The following SPAG9 variants were observed in gnomAD, a reference collection of about 807,000 sequenced individuals.
SPAG9 encodes the protein C-Jun-amino-terminal kinase-interacting protein 4.
SPAG9 carries 35 observed loss-of-function variants against 166.5 expected under a neutral mutation model. The ratio of observed to expected loss-of-function variants is 0.21; its 90% confidence interval spans 0.16 to 0.28. SPAG9 has a LOEUF of 0.28. SPAG9 is among the 10% of genes least tolerant of loss of function. The probability of loss-of-function intolerance (pLI) is 1.00; values close to 1 mark genes in which losing one functional copy is unlikely to be tolerated. For missense variants in SPAG9, 1,235 were observed against 1,603.3 expected, an observed-to-expected ratio of 0.77 and a Z score of 3.92; for synonymous variants, 534 against 565.5, an observed-to-expected ratio of 0.94 and a Z score of 0.79.
At chr17:51,055,209 C>T (rs1257869363) in intron 3 of SPAG9, among the ~76,000 whole-genome samples, 2 of 151,808 alleles carry the variant, frequency 1.3e-5, no homozygotes, top group African/African-American at 4.8e-5. Flanking sequence ...AAAAGTTAGC[C>T]GGGTATGGTG....
At chr17:51,038,408 A>C (rs2046703720) in intron 5 of SPAG9, among the ~76,000 whole-genome samples, 1 of 152,218 alleles carries the variant, frequency 6.6e-6, no homozygotes, top group African/African-American at 2.4e-5. Context: ...GCCATGGGGA[A>C]TCCTGGAAGA....
In SPAG9 at chr17:50,979,302, G is replaced by A. The variant is rs1218374752; in HGVS notation, c.3409+444C>T. Reference sequence around the variant, plus strand: ...TGGGAGGATCACTTGAGCCCAGGAAGTCAAAGCTGCAGTGAGCCGTGATGG... The same window carrying A: ...TGGGAGGATCACTTGAGCCCAGGAAATCAAAGCTGCAGTGAGCCGTGATGG... On this transcript the variant is annotated intron_variant, in intron 26 of 29. Transcript: ENST00000262013. Among the ~76,000 whole-genome samples the A allele has an allele frequency of 5.4e-5, 8 of 147,488 alleles. No homozygotes were observed. The Admixed American group carries it at 5.4e-4, about 10-fold the overall frequency.
At position 51,005,256 on chromosome 17, in the gene SPAG9, C is replaced by A; in HGVS notation, c.1432G>T (p.Ala478Ser). 1.2e-6 allele frequency: 2 copies of A among 1,613,896 alleles called. No individual in the cohort carries two copies. Among genetic ancestry groups the A allele is most frequent in the Non-Finnish European group, 1.7e-6 (2 of 1,179,886 alleles). The stretch of plus-strand genomic sequence containing the variant: ...TTTTGCCTTGCATCTTCAGCTTCTG[C>A]CCGAGCTCTAGTGGGGAAAAAACAA... ...ELEEELRKAR[A>S]EAEDARQKAK... is the part of the protein sequence containing the mutation. The change falls in exon 12 of 30, where the codon GCA becomes TCA. Residue 478 changes from alanine to serine, a missense_variant. By Grantham distance (99) the Ala-to-Ser change is moderately conservative. Coordinates refer to ENST00000262013, the MANE Select transcript of SPAG9 (RefSeq NM_001130528.3).
intron 1 of SPAG9, among the ~76,000 whole-genome samples, chr17:51,090,768 G>A (rs938369485): frequency 6.6e-6 from 1 of 152,128 alleles, no homozygotes; most frequent in Non-Finnish European, 1.5e-5. Context: ...TTCTGTTACT[G>A]CCTAGGTAAT....
At chr17:51,028,197 A>T (rs994693838) in intron 6 of SPAG9, among the ~76,000 whole-genome samples, 1 of 152,152 alleles carries the variant, frequency 6.6e-6, no homozygotes, top group Non-Finnish European at 1.5e-5. Flanking sequence ...TCAAAAAGGT[A>T]AAAAAATTTA....
intron 1 of SPAG9, among the ~76,000 whole-genome samples, chr17:51,119,300 T>G (rs556987403): frequency 7.2e-5 from 11 of 152,202 alleles, no homozygotes; most frequent in Non-Finnish European, 1.3e-4. Flanking sequence ...ATGTCATTCC[T>G]TCAATAATTA....
chr17:51,110,857 T>G (rs1173913074), intron 1 of SPAG9, among the ~76,000 whole-genome samples: 1 of 150,562 alleles, frequency 6.6e-6, no homozygotes, highest in African/African-American at 2.4e-5. Context: ...GGGTGGCTCA[T>G]GCCTGTAATC....
At chr17:51,091,495 G>T (rs75018247) in intron 1 of SPAG9, among the ~76,000 whole-genome samples, 7,789 of 151,388 alleles carry the variant, frequency 0.051, 424 homozygotes, top group East Asian at 0.19. Flanking sequence ...CTGTTTTTTT[G>T]TTGTTGTTGT....
chr17:51,010,609 G>T (rs548323677), intron 9 of SPAG9, among the ~76,000 whole-genome samples: 3 of 145,048 alleles, frequency 2.1e-5, no homozygotes, highest in East Asian at 4.0e-4. Flanking sequence ...ATACATATAT[G>T]TATGTATACA....
intron 8 of SPAG9, among the ~76,000 whole-genome samples, chr17:51,015,913 A>C (rs1017910817): frequency 2.0e-5 from 3 of 152,158 alleles, no homozygotes; most frequent in Admixed American, 6.5e-5. Context: ...GAAGATAGGA[A>C]TGTTCAGATG....
At chr17:50,987,049 T>C in intron 22 of SPAG9, 63 bp downstream of exon 22, 1 of 1,489,392 alleles carries the variant, frequency 6.7e-7, no homozygotes. Context: ...ATTTTACTTA[T>C]CTTCTGATTT....
At chr17:51,020,365 T>A (rs537581464) in intron 7 of SPAG9, 107 bp from the exon 8 acceptor site, 39 of 688,160 alleles carry the variant, frequency 5.7e-5, no homozygotes, top group African/African-American at 4.5e-4. Flanking sequence ...AACATTTTTT[T>A]AAAATGTGCA....
Position 51,023,656 on chromosome 17 carries a change from G to A in SPAG9, c.784-2291C>T, listed in dbSNP as rs184644465. Among the ~76,000 whole-genome samples, 64 of 152,136 alleles carry A rather than the reference G, an allele frequency of 4.2e-4. No homozygotes were observed. In the East Asian group the frequency reaches 8.7e-3, roughly 21 times the overall value. ...TTAAGTAAATCGTATTTTTCCAGGC[G>A]TACATGAAATTCTTCTTTTTTTTCT... is the stretch of plus-strand genomic sequence containing the variant. On this transcript the variant is annotated intron_variant, in intron 6 of 29. Transcript: ENST00000262013.
At chr17:51,119,291 T>C (rs1171527704) in intron 1 of SPAG9, among the ~76,000 whole-genome samples, 2 of 152,206 alleles carry the variant, frequency 1.3e-5, no homozygotes, top group East Asian at 3.8e-4. Flanking sequence ...AAAAATACTA[T>C]GTCATTCCTT....
rs754654305 is a variant in SPAG9, at chr17:50,979,733, G to A, written c.3409+13C>T. On this transcript the variant is annotated intron_variant, in intron 26 of 29. Coordinates refer to ENST00000262013, the MANE Select transcript of SPAG9 (RefSeq NM_001130528.3). Reference sequence around the variant, plus strand: ...TCTTTGACTGGTAAAGATAAAACGCGTTGGAAGCTTACCTAACATTTTGCT... The same window carrying A: ...TCTTTGACTGGTAAAGATAAAACGCATTGGAAGCTTACCTAACATTTTGCT... 53 of 1,601,560 alleles carry A rather than the reference G, an allele frequency of 3.3e-5. No homozygotes were observed. In the East Asian group the frequency reaches 5.8e-4, roughly 18 times the overall value.
intron 3 of SPAG9, among the ~76,000 whole-genome samples, chr17:51,053,711 G>A (rs1453552666): frequency 6.7e-6 from 1 of 149,490 alleles, no homozygotes; most frequent in South Asian, 2.1e-4. Flanking sequence ...TGGCATGCAC[G>A]TGTGTGGTCC....
At chr17:51,009,190 T>C (rs1222922780) in intron 9 of SPAG9, 1 of 449,666 alleles carries the variant, frequency 2.2e-6, no homozygotes, top group Non-Finnish European at 4.5e-6. Flanking sequence ...TCAATTAGAT[T>C]GTTTTCAGAA....
intron 9 of SPAG9, among the ~76,000 whole-genome samples, chr17:51,010,587 A>G (rs1026942388): frequency 1.4e-5 from 2 of 141,680 alleles, no homozygotes; most frequent in Non-Finnish European, 3.0e-5. Context: ...AAAAAAATAT[A>G]TATATATATA....
intron 21 of SPAG9, chr17:50,989,470 A>T: frequency 6.6e-6 from 4 of 603,962 alleles, no homozygotes; most frequent in South Asian, 2.0e-5. Context: ...TTTTTTTTTA[A>T]ATTGGAAGGT....
Sources: allele counts gnomAD v4.1 joint callset (sites outside exome capture counted in the v4.1 genomes callset), GRCh38; gene constraint gnomAD v4.1.1; transcripts MANE v1.5; gene names NCBI Gene and HGNC (gene_info 2026-07-23, HGNC 2026-07-21).